SORCS2: variants seen among roughly 807,000 people sequenced by gnomAD.
SORCS2 encodes the protein sortilin related VPS10 domain containing receptor 2, also known as VPS10 domain-containing receptor SorCS2.
In SORCS2, 100 loss-of-function variants were observed where a neutral mutation model predicts 141.6. The ratio of observed to expected loss-of-function variants is 0.71; its 90% CI spans 0.60 to 0.83. The LOEUF is 0.83. Ranked by LOEUF, SORCS2 falls within the 40% of genes least tolerant of loss-of-function variation. The pLI, the probability that SORCS2 is intolerant of heterozygous loss-of-function variation, is 0.00. For missense variants in SORCS2, 1,646 were observed against 1,560.2 expected (o/e 1.05, Z -0.93); for synonymous variants, 789 against 676.9 (o/e 1.17, Z -2.57).
chr4:7,610,499 A>G (rs984503456), intron 3 of SORCS2, among the ~76,000 whole-genome samples: 11 of 152,120 alleles, frequency 7.2e-5, no homozygotes, highest in Non-Finnish European at 1.2e-4. Flanking sequence ...GGCAGAGTCA[A>G]CACCGGGCCG....
chr4:7,430,009 T>C (rs939126123), intron 2 of SORCS2, among the ~76,000 whole-genome samples: 2 of 152,160 alleles, frequency 1.3e-5, no homozygotes, highest in African/African-American at 4.8e-5. Flanking sequence ...TCCTGGGCCC[T>C]GTGGTGCCTG....
intron 2 of SORCS2, among the ~76,000 whole-genome samples, chr4:7,400,993 G>A (rs1484297365): frequency 6.6e-6 from 1 of 151,798 alleles, no homozygotes; most frequent in African/African-American, 2.4e-5. Flanking sequence ...ATGAATGAAT[G>A]GATTGATAGG....
At chr4:7,527,781 A>G (rs552175014) in intron 2 of SORCS2, among the ~76,000 whole-genome samples, 1 of 152,110 alleles carries the variant, frequency 6.6e-6, no homozygotes, top group African/African-American at 2.4e-5. Flanking sequence ...CACAGATGAG[A>G]GAGGAAGGGT....
At chr4:7,368,388 C>T (rs570114599) in intron 1 of SORCS2, among the ~76,000 whole-genome samples, 12 of 152,236 alleles carry the variant, frequency 7.9e-5, no homozygotes, top group East Asian at 1.9e-4. Context: ...CACCCTCCCA[C>T]GGGCCTGGTC....
intron 1 of SORCS2, among the ~76,000 whole-genome samples, chr4:7,347,945 C>A (rs1306564071): frequency 6.6e-6 from 1 of 152,068 alleles, no homozygotes; most frequent in Non-Finnish European, 1.5e-5. Flanking sequence ...CGATTAATAC[C>A]CACAAACCAT....
intron 14 of SORCS2, among the ~76,000 whole-genome samples, chr4:7,712,383 G>A (rs767010155): frequency 3.9e-5 from 6 of 152,238 alleles, no homozygotes; most frequent in Non-Finnish European, 8.8e-5. Flanking sequence ...AAGGACCACT[G>A]TGGGGGCCGT....
At chr4:7,567,389 A>G (rs1207626576) in intron 3 of SORCS2, among the ~76,000 whole-genome samples, 2 of 142,614 alleles carry the variant, frequency 1.4e-5, no homozygotes, top group African/African-American at 5.6e-5. Context: ...AGTTTCTCAG[A>G]CTTCCCTTGT....
chr4:7,303,541 A>T (rs144805169), intron 1 of SORCS2, among the ~76,000 whole-genome samples: 1 of 152,152 alleles, frequency 6.6e-6, no homozygotes, highest in African/African-American at 2.4e-5. Context: ...CAGTGTTTTT[A>T]TCTACGCTTG....
chr4:7,283,859 G>A (rs1716038804), intron 1 of SORCS2, among the ~76,000 whole-genome samples: 1 of 152,052 alleles, frequency 6.6e-6, no homozygotes, highest in African/African-American at 2.4e-5. Flanking sequence ...GGCAGTTTTG[G>A]CTTCTCCTGC....
chr4:7,629,829 C>T (rs1195581427), intron 3 of SORCS2, among the ~76,000 whole-genome samples: 2 of 152,102 alleles, frequency 1.3e-5, no homozygotes, highest in Non-Finnish European at 2.9e-5. Context: ...CTTCATCTCC[C>T]CCAAACCAGT....
chr4:7,403,959 G>GTA (rs370125165), intron 2 of SORCS2, among the ~76,000 whole-genome samples: 623 of 12,950 alleles, frequency 0.048, 13 homozygotes, highest in African/African-American at 0.092. Context: ...GCCTCCATGT[G>GTA]TGTATATATA....
chr4:7,647,153 G>T (rs1721135923), intron 4 of SORCS2, among the ~76,000 whole-genome samples: 1 of 152,192 alleles, frequency 6.6e-6, no homozygotes, highest in Non-Finnish European at 1.5e-5. Context: ...CTGGAGGTGA[G>T]AGAGCAAAAT....
Position 7,740,303 on chromosome 4 carries a change from C to A in SORCS2, c.*39C>A, listed in dbSNP as rs368068114. On this transcript the variant is annotated 3_prime_UTR_variant, in exon 27 of 27. Transcript: ENST00000507866. ...TCTGTCTTTTCACCCACGGAGGGCACAGAACCACCAGCAAAGCCGGCGGCT... is the reference window on the plus strand; with the variant it reads ...TCTGTCTTTTCACCCACGGAGGGCAAAGAACCACCAGCAAAGCCGGCGGCT... The A allele has an allele frequency of 6.3e-7, 1 of 1,582,282 alleles. No homozygotes were observed. Among genetic ancestry groups the A allele is most frequent in the Non-Finnish European group, 8.6e-7 (1 of 1,159,796 alleles).
intron 1 of SORCS2, among the ~76,000 whole-genome samples, chr4:7,346,234 T>A (rs1365791076): frequency 1.3e-5 from 2 of 152,242 alleles, no homozygotes; most frequent in African/African-American, 4.8e-5. Context: ...CATTATGATA[T>A]GTTGTGCTTC....
At chr4:7,704,363 C>A in intron 14 of SORCS2, 79 bp downstream of exon 14, 1 of 1,262,196 alleles carries the variant, frequency 7.9e-7, no homozygotes, top group Non-Finnish European at 1.1e-6. Context: ...CTGTGTCCTT[C>A]ACCCCCCAGC....
chr4:7,449,027 T>C (rs551313725), intron 2 of SORCS2, among the ~76,000 whole-genome samples: 1 of 156 alleles, frequency 6.4e-3, no homozygotes, highest in Non-Finnish European at 0.014. Flanking sequence ...CTCCCTCCCT[T>C]CCTCCCTCTC....
intron 1 of SORCS2, among the ~76,000 whole-genome samples, chr4:7,274,349 G>T (rs1715347594): frequency 6.6e-6 from 1 of 152,222 alleles, no homozygotes; most frequent in Non-Finnish European, 1.5e-5. Context: ...GCTGCTATAA[G>T]GAAATGCCTG....
At chr4:7,469,078 G>A (rs1168732428) in intron 2 of SORCS2, among the ~76,000 whole-genome samples, 3 of 152,220 alleles carry the variant, frequency 2.0e-5, no homozygotes, top group African/African-American at 7.2e-5. Context: ...AGACATGATG[G>A]TGATTATAGT....
chr4:7,222,719 G>A (rs560254342), intron 1 of SORCS2, among the ~76,000 whole-genome samples: 6 of 152,276 alleles, frequency 3.9e-5, no homozygotes, highest in Non-Finnish European at 7.4e-5. Context: ...GGCTGTGGCA[G>A]GAGAGAGCGG....
Sources: allele counts gnomAD v4.1 joint callset (sites outside exome capture counted in the v4.1 genomes callset), GRCh38; gene constraint gnomAD v4.1.1; transcripts MANE v1.5; gene names NCBI Gene and HGNC (gene_info 2026-07-23, HGNC 2026-07-21).